HPGDS: variants seen among roughly 807,000 people sequenced by gnomAD.
The protein encoded by HPGDS is hematopoietic prostaglandin D synthase.
HPGDS carries 26 observed loss-of-function variants against 23.1 expected under a neutral mutation model. That is an observed-to-expected ratio of 1.13 (90% confidence interval 0.83 to 1.56). The LOEUF is 1.56. HPGDS is among the 40% of genes most tolerant of loss of function. HPGDS has a pLI of 0.00. For synonymous variants in HPGDS, 95 were observed against 77.9 expected (o/e 1.22, Z -1.16); for missense variants, 268 against 236.4 (o/e 1.13, Z -0.88).
intron 2 of HPGDS, among the ~76,000 whole-genome samples, chr4:94,318,390 A>G (rs186878729): frequency 6.6e-6 from 1 of 152,300 alleles, no homozygotes; most frequent in Admixed American, 6.5e-5. Flanking sequence ...TAAAATTAAT[A>G]CATAATAATT....
At chr4:94,322,737 A>G (rs533783099) in intron 2 of HPGDS, among the ~76,000 whole-genome samples, 1 of 151,760 alleles carries the variant, frequency 6.6e-6, no homozygotes, top group African/African-American at 2.4e-5. Context: ...TGATTTTTTG[A>G]AGGGTTTTTT....
chr4:94,307,201 A>C (rs951224614), intron 4 of HPGDS, among the ~76,000 whole-genome samples: 1 of 152,058 alleles, frequency 6.6e-6, no homozygotes, highest in African/African-American at 2.4e-5. Flanking sequence ...TTAAACAAAT[A>C]AGGCCCCAAA....
intron 2 of HPGDS, among the ~76,000 whole-genome samples, chr4:94,318,562 A>T (rs942058720): frequency 3.3e-5 from 5 of 152,034 alleles, no homozygotes; most frequent in Non-Finnish European, 7.4e-5. Context: ...ATTGATTTCT[A>T]GTTTTATTCC....
chr4:94,309,939 T>A (rs1415985404), intron 3 of HPGDS, among the ~76,000 whole-genome samples: 1 of 152,204 alleles, frequency 6.6e-6, no homozygotes, highest in Non-Finnish European at 1.5e-5. Context: ...TTTTGAGAAG[T>A]GTCTGTTCAT....
intron 2 of HPGDS, among the ~76,000 whole-genome samples, chr4:94,326,381 A>T (rs982059861): frequency 6.6e-5 from 10 of 152,166 alleles, no homozygotes; most frequent in Non-Finnish European, 1.5e-4. Context: ...AAATGATGTA[A>T]TACAGGCTTT....
chr4:94,334,766 A>G (rs1720960461), intron 1 of HPGDS, 128 bp from the exon 2 acceptor site: 5 of 732,012 alleles, frequency 6.8e-6, no homozygotes, highest in Non-Finnish European at 8.3e-6. Flanking sequence ...AGGATATTTC[A>G]AAACCAAAAT....
intron 2 of HPGDS, among the ~76,000 whole-genome samples, chr4:94,322,750 A>G (rs942269516): frequency 2.6e-5 from 4 of 151,518 alleles, no homozygotes; most frequent in African/African-American, 4.9e-5. Context: ...GGTTTTTTGT[A>G]TCTCTGTCTC....
chr4:94,313,083 C>A (rs1336032393), intron 3 of HPGDS, among the ~76,000 whole-genome samples: 3 of 152,078 alleles, frequency 2.0e-5, no homozygotes, highest in Admixed American at 6.5e-5. Flanking sequence ...GGTCTTGACT[C>A]TTTATCCAAT....
At chr4:94,324,337 T>C (rs950354348) in intron 2 of HPGDS, among the ~76,000 whole-genome samples, 1 of 151,812 alleles carries the variant, frequency 6.6e-6, no homozygotes. Context: ...TTCTCCTGGA[T>C]AATATACTGG....
At chr4:94,309,629 C>A (rs1028901677) in intron 3 of HPGDS, among the ~76,000 whole-genome samples, 4 of 151,996 alleles carry the variant, frequency 2.6e-5, no homozygotes, top group African/African-American at 9.7e-5. Context: ...ATTTATAATC[C>A]TTTGGGTATA....
rs140311257 is a variant in HPGDS at position 94,304,478 on chromosome 4, A to G, written c.337-2234T>C. On this transcript the variant is annotated intron_variant, in intron 4 of 5. Transcript: ENST00000295256. ...CTGTAAAATTGTGTGTATTTGGTAG[A>G]TTTTTAAGGTGTATATGACAAGAAT... 4.6e-3 allele frequency among the ~76,000 whole-genome samples: 703 copies of G among 152,182 alleles called. 4 individuals carry two copies. Among genetic ancestry groups the G allele is most frequent in the African/African-American group, 0.016 (651 of 41,536 alleles).
intron 5 of HPGDS, among the ~76,000 whole-genome samples, chr4:94,301,695 A>T (rs966652815): frequency 2.6e-5 from 4 of 152,142 alleles, no homozygotes; most frequent in Admixed American, 2.0e-4. Flanking sequence ...CAGAAAAAAA[A>T]TACCAATAGT....
chr4:94,311,099 T>A (rs1282075674), intron 3 of HPGDS, among the ~76,000 whole-genome samples: 1 of 152,208 alleles, frequency 6.6e-6, no homozygotes, highest in Non-Finnish European at 1.5e-5. Flanking sequence ...CAATTTGACT[T>A]CCCCTTTTCC....
chr4:94,319,397 A>G (rs562901289), intron 2 of HPGDS, among the ~76,000 whole-genome samples: 3 of 151,640 alleles, frequency 2.0e-5, no homozygotes, highest in East Asian at 1.9e-4. Context: ...TTTTTAGTCT[A>G]TGTGTGTCTT....
At chr4:94,329,916 A>G (rs1274215487) in intron 2 of HPGDS, among the ~76,000 whole-genome samples, 1 of 152,210 alleles carries the variant, frequency 6.6e-6, no homozygotes, top group African/African-American at 2.4e-5. Context: ...CCTCAATGTG[A>G]TGTGGCTGGC....
At chr4:94,312,847 T>C (rs1756305042) in intron 3 of HPGDS, among the ~76,000 whole-genome samples, 1 of 152,242 alleles carries the variant, frequency 6.6e-6, no homozygotes, top group African/African-American at 2.4e-5. Flanking sequence ...ATATTTAGGA[T>C]AGTTAGCTCT....
rs1560591283 is a variant in HPGDS, at chr4:94,322,405, G to T, written c.134-4440C>A. On this transcript the variant is annotated intron_variant, in intron 2 of 5. Transcript: ENST00000295256. ...TCCACCTGGTCCTGGACTTTTTTTG[G>T]TTGGTAGGCTATTAATTATTGCCTC... Among the ~76,000 whole-genome samples the T allele has an allele frequency of 1.2e-4, 19 of 152,172 alleles. No individual in the cohort carries two copies. In the South Asian group the frequency reaches 3.5e-3, roughly 28 times the overall value.
In HPGDS at chr4:94,299,408, G is replaced by C; in HGVS notation, c.*72C>G. The C allele has an allele frequency of 7.6e-7, 1 of 1,314,102 alleles. No homozygotes were observed. The highest frequency in any genetic ancestry group is 1.0e-6 in the Non-Finnish European group (1 of 970,214). 81.4% of individuals were successfully genotyped at this position (1,314,102 alleles called of 1,614,324 possible). On this transcript the variant is annotated 3_prime_UTR_variant, in exon 6 of 6. Transcript: ENST00000295256. ...AGGGAGCATGTGGATTATCTGGCAG[G>C]CTGATGTAGCTGTCTTATCTGATGA...
At position 94,302,233 on chromosome 4, in the gene HPGDS, G is replaced by T. The variant is rs1325315745; in HGVS notation, c.348C>A (p.Phe116Leu). Residue 116 changes from phenylalanine to leucine, a missense_variant, in exon 5 of 6, where the codon TTC becomes TTA. Transcript: ENST00000295256. Reference sequence around the variant, plus strand: ...GCGCATTATACGTGAGCAGCTCATTGAACATCTGCTCCTAGGAGAAGGAGA... The same window carrying T: ...GCGCATTATACGTGAGCAGCTCATTTAACATCTGCTCCTAGGAGAAGGAGA... The part of the protein sequence containing the change: ...EKKQDVKEQM[F>L]NELLTYNAPH... The T allele has an allele frequency of 6.2e-7, 1 of 1,608,578 alleles. No homozygotes were observed. Among genetic ancestry groups the T allele is most frequent in the East Asian group, 2.2e-5 (1 of 44,652 alleles).
Sources: allele counts gnomAD v4.1 joint callset (sites outside exome capture counted in the v4.1 genomes callset), GRCh38; gene constraint gnomAD v4.1.1; transcripts MANE v1.5; gene names NCBI Gene and HGNC (gene_info 2026-07-23, HGNC 2026-07-21).